The following FOXP1 variants were observed in gnomAD, a reference collection of about 807,000 sequenced individuals.
The protein encoded by FOXP1 is forkhead box P1.
A neutral mutation model predicts 98.2 loss-of-function variants in FOXP1; 15 were observed. The observed-to-expected ratio is 0.15, with a 90% CI of 0.10 to 0.24. FOXP1 has a LOEUF of 0.24. FOXP1 is among the 10% of genes least tolerant of loss of function. The pLI is 1.00. For missense variants in FOXP1, 633 were observed against 848.5 expected (o/e 0.75, Z 3.15); for synonymous variants, 371 against 314.5 (o/e 1.18, Z -1.90).
chr3:71,543,701 G>A (rs1410144847), intron 2 of FOXP1: 8 of 152,364 alleles, frequency 5.3e-5, no homozygotes, highest in Admixed American at 4.6e-4. Flanking sequence ...AAACAGAGTG[G>A]GGAAGCAGGT....
chr3:71,492,257 G>A lies in FOXP1; in HGVS notation c.-168+1169C>T, dbSNP rs186377129. On this transcript the variant is annotated intron_variant, in intron 3 of 20. Coordinates refer to ENST00000649528, the MANE Select transcript of FOXP1 (RefSeq NM_001349338.3). ...ACCTGAGGTCAGGAGTTTGAGACCA[G>A]CCTGGCCAATGTGGTGAAACCCTGT... Among the ~76,000 whole-genome samples the A allele has an allele frequency of 4.2e-3, 635 of 152,136 alleles. 6 individuals are homozygous for A. Among genetic ancestry groups the A allele is most frequent in the African/African-American group, 0.015 (608 of 41,514 alleles).
At chr3:71,563,192 T>TA (rs1179441999) in intron 2 of FOXP1, among the ~76,000 whole-genome samples, 2 of 152,224 alleles carry the variant, frequency 1.3e-5, no homozygotes, top group African/African-American at 4.8e-5. Flanking sequence ...AGTGGAGCCC[T>TA]AGGGGAGAGA....
intron 13 of FOXP1, among the ~76,000 whole-genome samples, chr3:70,998,007 A>C (rs983716642): frequency 6.6e-6 from 1 of 152,208 alleles, no homozygotes; most frequent in Non-Finnish European, 1.5e-5. Context: ...ACCCATGTGG[A>C]GACTAGACTG....
chr3:71,192,307 T>C (rs1330790377), intron 6 of FOXP1, among the ~76,000 whole-genome samples: 1 of 152,198 alleles, frequency 6.6e-6, no homozygotes, highest in African/African-American at 2.4e-5. Context: ...TATAGATCCA[T>C]ACCATATAAC....
At chr3:71,485,314 C>T (rs1260425596) in intron 3 of FOXP1, among the ~76,000 whole-genome samples, 1 of 152,136 alleles carries the variant, frequency 6.6e-6, no homozygotes, top group East Asian at 1.9e-4. Flanking sequence ...ATAGTAAACC[C>T]CCTTATATCC....
At chr3:71,449,878 T>C (rs1485386946) in intron 3 of FOXP1, among the ~76,000 whole-genome samples, 2 of 152,178 alleles carry the variant, frequency 1.3e-5, no homozygotes, top group Non-Finnish European at 2.9e-5. Flanking sequence ...TATAACTAAA[T>C]ACAATCTCAC....
At chr3:71,402,447 C>T (rs1225172146) in intron 3 of FOXP1, among the ~76,000 whole-genome samples, 1 of 152,044 alleles carries the variant, frequency 6.6e-6, no homozygotes, top group Admixed American at 6.6e-5. Flanking sequence ...AAAATGAGAC[C>T]CTGTCTCAAT....
At position 71,424,803 on chromosome 3, in the gene FOXP1, C is replaced by T. The variant is rs145330552; in HGVS notation, c.-167-65559G>A. 4.4e-3 allele frequency among the ~76,000 whole-genome samples: 673 copies of T among 152,314 alleles called. 13 individuals are homozygous for T. The South Asian group carries it at 0.072, about 16-fold the overall frequency. On this transcript the variant is annotated intron_variant, in intron 3 of 20. Transcript: ENST00000649528. ...CTTCTGTCAGCAAAAGTGGAGGACA[C>T]AGCCCTGGCCTTCAAGAATCCAATG... is the stretch of plus-strand genomic sequence containing the variant.
intron 14 of FOXP1, among the ~76,000 whole-genome samples, chr3:70,979,382 T>A (rs985308787): frequency 6.7e-6 from 1 of 150,180 alleles, no homozygotes; most frequent in Non-Finnish European, 1.5e-5. Context: ...CTTAAAGTAC[T>A]GTTCTTACAA....
At chr3:71,298,984 G>T (rs2073609319) in intron 5 of FOXP1, among the ~76,000 whole-genome samples, 1 of 151,946 alleles carries the variant, frequency 6.6e-6, no homozygotes, top group Non-Finnish European at 1.5e-5. Context: ...ACTATTAAAG[G>T]CCAAAAATTC....
chr3:70,966,141 T>A, intron 19 of FOXP1, 85 bp from the exon 20 acceptor site: 1 of 1,180,594 alleles, frequency 8.5e-7, no homozygotes, highest in East Asian at 2.4e-5. Context: ...TCGATAATCT[T>A]CAGTTTGAGT....
At chr3:71,033,017 T>C (rs1345633408) in intron 11 of FOXP1, among the ~76,000 whole-genome samples, 2 of 152,288 alleles carry the variant, frequency 1.3e-5, no homozygotes, top group Admixed American at 6.5e-5. Flanking sequence ...CCGAGTACCA[T>C]GGACAATACC....
intron 5 of FOXP1, among the ~76,000 whole-genome samples, chr3:71,202,968 T>C (rs2063766870): frequency 6.6e-6 from 1 of 152,176 alleles, no homozygotes; most frequent in Admixed American, 6.5e-5. Context: ...CCGGTATGCA[T>C]AACCTCTGCT....
intron 10 of FOXP1, among the ~76,000 whole-genome samples, chr3:71,046,029 TC>T (rs1055903771): frequency 3.9e-5 from 6 of 152,148 alleles, no homozygotes; most frequent in African/African-American, 1.4e-4. Context: ...GAATTGTGTT[TC>T]AAAACACAGG....
At chr3:70,970,094 A>ATCTCCTGGTACCATT (rs2035881679) in intron 19 of FOXP1, 1 of 152,440 alleles carries the variant, frequency 6.6e-6, no homozygotes, top group Admixed American at 6.5e-5. Flanking sequence ...CCGCGTCTTC[A>ATCTCCTGGTACCATT]TCTCCTGGTA....
intron 3 of FOXP1, among the ~76,000 whole-genome samples, chr3:71,375,096 A>G (rs1182654343): frequency 6.6e-6 from 1 of 152,244 alleles, no homozygotes; most frequent in Non-Finnish European, 1.5e-5. Context: ...AAATTAAACC[A>G]GAACTGCTGT....
At chr3:71,479,114 C>T (rs776567008) in intron 3 of FOXP1, among the ~76,000 whole-genome samples, 6 of 152,170 alleles carry the variant, frequency 3.9e-5, no homozygotes, top group Admixed American at 3.9e-4. Context: ...GTCACTTGCA[C>T]AATTTATATG....
chr3:71,421,962 T>A (rs2083687320), intron 3 of FOXP1, among the ~76,000 whole-genome samples: 1 of 152,218 alleles, frequency 6.6e-6, no homozygotes, highest in South Asian at 2.1e-4. Flanking sequence ...TGGTTTCCTA[T>A]TTTATCATTT....
intron 17 of FOXP1, among the ~76,000 whole-genome samples, chr3:70,974,818 G>GTACAGA (rs2037154708): frequency 6.6e-6 from 1 of 152,172 alleles, no homozygotes; most frequent in Admixed American, 6.5e-5. Context: ...GTACAGAAAT[G>GTACAGA]AAAGGTCTTA....
Sources: gnomAD v4.1 joint callset for allele counts (sites outside exome capture counted in the v4.1 genomes callset) on GRCh38, gnomAD v4.1.1 for gene constraint, MANE v1.5 for transcripts, NCBI Gene and HGNC (gene_info 2026-07-23, HGNC 2026-07-21) for gene names.